The following PRKG1 variants were observed in gnomAD, a reference collection of about 807,000 sequenced individuals.
PRKG1 encodes the protein cGMP-dependent protein kinase 1.
PRKG1 carries 35 observed loss-of-function variants against 88.1 expected under a neutral mutation model. The observed-to-expected ratio is 0.40, with a 90% CI of 0.30 to 0.53. PRKG1 has a LOEUF of 0.53. Ranked by LOEUF, PRKG1 falls within the 20% of genes least tolerant of loss-of-function variation. The probability of loss-of-function intolerance (pLI) is 0.59; values close to 1 mark genes in which losing one functional copy is unlikely to be tolerated. For synonymous variants in PRKG1, 303 were observed against 292.5 expected (o/e 1.04, Z -0.37); for missense variants, 540 against 839.8 (o/e 0.64, Z 4.41).
intron 3 of PRKG1, among the ~76,000 whole-genome samples, chr10:51,798,571 G>A (rs1290028035): frequency 6.6e-6 from 1 of 152,056 alleles, no homozygotes; most frequent in African/African-American, 2.4e-5. Flanking sequence ...AGCTATCTGA[G>A]TGTTCAGGTG....
chr10:51,645,927 AT>A (rs1260826486), intron 3 of PRKG1, among the ~76,000 whole-genome samples: 1 of 152,228 alleles, frequency 6.6e-6, no homozygotes, highest in Non-Finnish European at 1.5e-5. Flanking sequence ...AATTAAAAAA[AT>A]TAATCAGTTT....
chr10:52,263,056 G>T (rs1841471930), intron 10 of PRKG1, among the ~76,000 whole-genome samples: 2 of 151,960 alleles, frequency 1.3e-5, no homozygotes, highest in Admixed American at 6.6e-5. Flanking sequence ...AAGTTTTAAA[G>T]AACTTTGTGT....
At chr10:51,087,918 C>T (rs530192900) in intron 1 of PRKG1, among the ~76,000 whole-genome samples, 63 of 152,236 alleles carry the variant, frequency 4.1e-4, no homozygotes, top group Non-Finnish European at 6.2e-4. Context: ...GTGCATGGCA[C>T]TACATCTGGC....
intron 2 of PRKG1, among the ~76,000 whole-genome samples, chr10:51,278,201 A>G (rs1303359534): frequency 6.6e-6 from 1 of 152,190 alleles, no homozygotes; most frequent in Admixed American, 6.5e-5. Flanking sequence ...TTCTGCATCT[A>G]TTGAGATAAT....
At chr10:51,931,133 C>T (rs1046612057) in intron 5 of PRKG1, among the ~76,000 whole-genome samples, 44 of 152,096 alleles carry the variant, frequency 2.9e-4, no homozygotes, top group African/African-American at 1.0e-3. Context: ...TTAATTGGTC[C>T]ATTATGGAAC....
chr10:52,222,306 A>G lies in PRKG1; in HGVS notation c.1077-29264A>G, dbSNP rs189456283. On this transcript the variant is annotated intron_variant, in intron 9 of 17. Coordinates refer to ENST00000373980, the MANE Select transcript of PRKG1 (RefSeq NM_006258.4). ...TATATTCTGAGCAGAATGGGGGTCC[A>G]GAGAGGGATGGTTTTTAGTCTTCCA... Among the ~76,000 whole-genome samples the G allele has an allele frequency of 3.0e-4, 45 of 152,316 alleles. 1 individual carries two copies. The highest frequency in any genetic ancestry group is 3.4e-3 in the Middle Eastern group (1 of 294).
At chr10:51,441,230 G>T (rs1839095545) in intron 2 of PRKG1, among the ~76,000 whole-genome samples, 1 of 151,868 alleles carries the variant, frequency 6.6e-6, no homozygotes, top group Non-Finnish European at 1.5e-5. Flanking sequence ...TTCTTACTTA[G>T]ACCATCTCAA....
chr10:51,943,356 G>A (rs1453274240), intron 5 of PRKG1, among the ~76,000 whole-genome samples: 2 of 151,942 alleles, frequency 1.3e-5, no homozygotes, highest in Non-Finnish European at 2.9e-5. Context: ...ATTTTGGGCT[G>A]AGATGATGGG....
chr10:51,329,992 C>T (rs1841691262), intron 2 of PRKG1, among the ~76,000 whole-genome samples: 1 of 148,118 alleles, frequency 6.8e-6, no homozygotes, highest in African/African-American at 2.5e-5. Flanking sequence ...TAGATACTTA[C>T]ATCATTCTCC....
intron 7 of PRKG1, among the ~76,000 whole-genome samples, chr10:52,113,073 A>G (rs1225875565): frequency 6.6e-6 from 1 of 152,184 alleles, no homozygotes; most frequent in Non-Finnish European, 1.5e-5. Context: ...GTGAGAAAGC[A>G]TAATAGTAAC....
chr10:51,362,934 A>C (rs1271956590), intron 2 of PRKG1, among the ~76,000 whole-genome samples: 1 of 151,820 alleles, frequency 6.6e-6, no homozygotes, highest in Non-Finnish European at 1.5e-5. Flanking sequence ...GCCAAGCTTT[A>C]TGTAGTGTTA....
At chr10:51,202,698 A>G (rs1380666973) in intron 2 of PRKG1, among the ~76,000 whole-genome samples, 1 of 152,248 alleles carries the variant, frequency 6.6e-6, no homozygotes, top group Non-Finnish European at 1.5e-5. Context: ...TAGATTATGG[A>G]TAAGATGAGA....
intron 8 of PRKG1, among the ~76,000 whole-genome samples, chr10:52,135,881 C>T (rs185494399): frequency 6.6e-6 from 1 of 151,866 alleles, no homozygotes; most frequent in African/African-American, 2.4e-5. Context: ...ATGAAAGAAT[C>T]GAGAAGAAGA....
At chr10:51,961,685 C>T (rs1044928133) in intron 5 of PRKG1, among the ~76,000 whole-genome samples, 1 of 152,138 alleles carries the variant, frequency 6.6e-6, no homozygotes, top group Admixed American at 6.5e-5. Context: ...TCATATCCTC[C>T]CTCCCACAAG....
At chr10:51,851,701 G>C (rs144043492) in intron 4 of PRKG1, among the ~76,000 whole-genome samples, 5 of 152,260 alleles carry the variant, frequency 3.3e-5, no homozygotes, top group Admixed American at 1.3e-4. Context: ...TGAATAGCAG[G>C]TATGCTTAAA....
chr10:51,656,793 C>A (rs1840171555), intron 3 of PRKG1, among the ~76,000 whole-genome samples: 1 of 152,132 alleles, frequency 6.6e-6, no homozygotes. Context: ...CACAACTTGG[C>A]ACCAACAAAC....
At chr10:52,290,859 TA>T (rs1398899397) in intron 17 of PRKG1, among the ~76,000 whole-genome samples, 1 of 150,572 alleles carries the variant, frequency 6.6e-6, no homozygotes, top group African/African-American at 2.4e-5. Context: ...ACCCTGTCTC[TA>T]AAAAAAGAAA....
chr10:51,485,560 C>T (rs1243559204), intron 3 of PRKG1, among the ~76,000 whole-genome samples: 1 of 151,912 alleles, frequency 6.6e-6, no homozygotes, highest in Non-Finnish European at 1.5e-5. Context: ...CATACAAATC[C>T]CCTAGTATAA....
Position 52,295,533 on chromosome 10 carries a change from T to G in PRKG1, c.*1633T>G, listed in dbSNP as rs1842362755. ...AAGTAACTCAGCCATTTGGAAGCAT[T>G]TCCTGGACAAAATTACATTATACCT... On this transcript the variant is annotated 3_prime_UTR_variant, in exon 18 of 18. Coordinates refer to ENST00000373980, the MANE Select transcript of PRKG1 (RefSeq NM_006258.4). 1 of 151,986 alleles carries G rather than the reference T, an allele frequency of 6.6e-6. No homozygotes were observed. Among genetic ancestry groups the G allele is most frequent in the Admixed American group, 6.6e-5 (1 of 15,228 alleles). 9.4% of individuals were successfully genotyped at this position (151,986 alleles called of 1,614,324 possible).
Sources: gnomAD v4.1 joint callset for allele counts (sites outside exome capture counted in the v4.1 genomes callset) on GRCh38, gnomAD v4.1.1 for gene constraint, MANE v1.5 for transcripts, NCBI Gene and HGNC (gene_info 2026-07-23, HGNC 2026-07-21) for gene names.